The following IFT140 variants were observed in gnomAD, a reference collection of about 807,000 sequenced individuals.
The protein encoded by IFT140 is intraflagellar transport protein 140 homolog.
A neutral mutation model predicts 164.6 loss-of-function variants in IFT140; 133 were observed. The ratio of observed to expected loss-of-function variants is 0.81; its 90% CI spans 0.70 to 0.93. The LOEUF (loss-of-function observed/expected upper bound fraction) is 0.93, where lower values mean the gene tolerates loss of function less well. Among genes scored for constraint, IFT140 ranks in the 40% least tolerant of loss-of-function variants. The pLI is 0.00. For missense variants in IFT140, 2,045 were observed against 1,972.3 expected (o/e 1.04, Z -0.70); for synonymous variants, 860 against 817.3 (o/e 1.05, Z -0.89).
At chr16:1,587,539 A>G (rs2034952242) in intron 8 of IFT140, among the ~76,000 whole-genome samples, 1 of 152,246 alleles carries the variant, frequency 6.6e-6, no homozygotes, top group African/African-American at 2.4e-5. Context: ...GGTCGCCAAG[A>G]GAACACAGGA....
intron 19 of IFT140, among the ~76,000 whole-genome samples, chr16:1,527,751 T>C (rs1465361563): frequency 6.6e-6 from 1 of 152,154 alleles, no homozygotes; most frequent in Non-Finnish European, 1.5e-5. Flanking sequence ...TTTTGTATTT[T>C]TTGTAGAGAC....
rs200831862 is a variant in IFT140, at chr16:1,529,972, G to GATGCC, written c.2400-3181_2400-3177dup. Among the ~76,000 whole-genome samples, 410 of 152,072 alleles carry GATGCC rather than the reference G, an allele frequency of 2.7e-3. 1 individual carries two copies. The highest frequency in any genetic ancestry group is 0.014 in the Middle Eastern group (4 of 294). On this transcript the variant is annotated intron_variant, in intron 19 of 30. Coordinates refer to ENST00000426508, the MANE Select transcript of IFT140 (RefSeq NM_014714.4). ...TCAGTTCTACAGATCGGATGGAAGG[G>GATGCC]ATGCCACGGCTCCTCACAGACGTCT...
In IFT140 at chr16:1,592,505, G is replaced by A; in HGVS notation, c.453C>T (p.His151=). ...TPLLKHEYGK[H]LTHCIFRLPP... is the part of the protein sequence containing the mutation. ...GGAGCCGGAAGATGCAGTGCGTGAGGTGTTTCCCATACTCGTGTTTCAGCA... is the reference window on the plus strand; with the variant it reads ...GGAGCCGGAAGATGCAGTGCGTGAGATGTTTCCCATACTCGTGTTTCAGCA... The change falls in exon 5 of 31, where the codon CAC becomes CAT. Residue 151 remains histidine, a synonymous_variant. Coordinates refer to ENST00000426508, the MANE Select transcript of IFT140 (RefSeq NM_014714.4). 1.2e-6 allele frequency: 2 copies of A among 1,614,228 alleles called. No homozygotes were observed. Among genetic ancestry groups the A allele is most frequent in the East Asian group, 4.5e-5 (2 of 44,888 alleles).
intron 19 of IFT140, among the ~76,000 whole-genome samples, chr16:1,530,133 CTTTT>C (rs922819138): frequency 3.2e-4 from 28 of 88,582 alleles, no homozygotes; most frequent in African/African-American, 9.8e-4. Flanking sequence ...CGACGGGAAT[CTTTT>C]TTTTTTTTTT....
In IFT140 at chr16:1,592,422, C is replaced by T. The variant is rs2273679; in HGVS notation, c.491+45G>A. ...GGAGCAGCCCGCTTCCCACCTCCCC[C>T]GATGTAAACACACACACAGGTCACA... On this transcript the variant is annotated intron_variant, in intron 5 of 30. Coordinates refer to ENST00000426508, the MANE Select transcript of IFT140 (RefSeq NM_014714.4). The T allele has an allele frequency of 0.13, 214,951 of 1,611,020 alleles. 17,983 individuals carry two copies. The highest frequency in any genetic ancestry group is 0.34 in the African/African-American group (25,303 of 74,958).
intron 30 of IFT140, among the ~76,000 whole-genome samples, chr16:1,515,864 T>C (rs968213151): frequency 1.3e-5 from 2 of 151,996 alleles, no homozygotes; most frequent in Non-Finnish European, 2.9e-5. Flanking sequence ...ATCGGAATCA[T>C]AGGGAAGAAG....
At chr16:1,609,344 T>C (rs1026729214) in intron 2 of IFT140, among the ~76,000 whole-genome samples, 3 of 152,200 alleles carry the variant, frequency 2.0e-5, no homozygotes, top group African/African-American at 7.2e-5. Flanking sequence ...CCTGGGGTTT[T>C]TCAAGGTTCC....
chr16:1,557,002 G>T (rs570768453), intron 19 of IFT140, among the ~76,000 whole-genome samples: 1 of 152,040 alleles, frequency 6.6e-6, no homozygotes, highest in Non-Finnish European at 1.5e-5. Flanking sequence ...GTAGAGATGG[G>T]GGGGCGGTTC....
intron 30 of IFT140, chr16:1,514,655 A>G (rs2040291015): frequency 6.6e-6 from 1 of 152,222 alleles, no homozygotes. Flanking sequence ...ACCAAAAAAA[A>G]GCAATACTCT....
intron 19 of IFT140, chr16:1,530,794 G>A (rs2030394511): frequency 6.6e-6 from 1 of 152,350 alleles, no homozygotes; most frequent in African/African-American, 2.4e-5. Context: ...GTGTGACCGA[G>A]GACCCAGCCA....
intron 18 of IFT140, among the ~76,000 whole-genome samples, chr16:1,560,236 T>C (rs2033331204): frequency 6.6e-6 from 1 of 152,206 alleles, no homozygotes; most frequent in East Asian, 1.9e-4. Flanking sequence ...CACACGATGC[T>C]TTCCCAGTCT....
intron 14 of IFT140, among the ~76,000 whole-genome samples, chr16:1,569,129 C>T (rs905712580): frequency 1.1e-4 from 16 of 151,864 alleles, no homozygotes; most frequent in Non-Finnish European, 2.2e-4. Flanking sequence ...CTCAGCCTCC[C>T]GAGTAGCTGG....
At chr16:1,593,000 C>CCGGCAGAG (rs2035270838) in intron 4 of IFT140, among the ~76,000 whole-genome samples, 1 of 150,690 alleles carries the variant, frequency 6.6e-6, no homozygotes, top group Non-Finnish European at 1.5e-5. Context: ...GACAGGTGTC[C>CCGGCAGAG]TGGCAGAGTG....
intron 9 of IFT140, among the ~76,000 whole-genome samples, chr16:1,586,933 C>T (rs2034917736): frequency 6.6e-6 from 1 of 152,202 alleles, no homozygotes; most frequent in Admixed American, 6.5e-5. Flanking sequence ...TCTTGAACTC[C>T]TGGGCTCAAG....
chr16:1,538,229 G>A (rs1311966568), intron 19 of IFT140, among the ~76,000 whole-genome samples: 1 of 152,238 alleles, frequency 6.6e-6, no homozygotes, highest in East Asian at 1.9e-4. Flanking sequence ...TGGGGACTTG[G>A]AGGCTGCAGA....
chr16:1,561,407 C>T (rs1186244866), intron 18 of IFT140, among the ~76,000 whole-genome samples: 1 of 152,222 alleles, frequency 6.6e-6, no homozygotes, highest in African/African-American at 2.4e-5. Context: ...CGATCCCATT[C>T]TCTCAGTAAT....
chr16:1,528,444 TTCACATGCATGCACAC>T (rs2030035508), intron 19 of IFT140, among the ~76,000 whole-genome samples: 1 of 125,968 alleles, frequency 7.9e-6, no homozygotes, highest in South Asian at 2.5e-4. Context: ...CACACACACA[TTCACATGCATGCACAC>T]ACACATGGAT....
At chr16:1,556,769 G>A (rs2033111560) in intron 19 of IFT140, among the ~76,000 whole-genome samples, 1 of 152,120 alleles carries the variant, frequency 6.6e-6, no homozygotes, top group Non-Finnish European at 1.5e-5. Flanking sequence ...TTATGACAAG[G>A]AATTTTTAAA....
chr16:1,586,217 G>T lies in IFT140; in HGVS notation c.1068C>A (p.Asp356Glu). ...CCTCTGCCCCGGGGCTGCCCAGGAA[G>T]TCTGGTACTTTCCTCCACATGGCTA... is the stretch of plus-strand genomic sequence containing the variant. ...GRVAMWRKVP[D>E]FLGSPGAEGK... is the part of the protein sequence containing the mutation. Residue 356 changes from aspartate (D) to glutamate (E), a missense_variant, in exon 10 of 31, where the codon GAC becomes GAA. Transcript: ENST00000426508. The T allele has an allele frequency of 6.2e-7, 1 of 1,613,980 alleles. No individual in the cohort carries two copies. The highest frequency in any genetic ancestry group is 8.5e-7 in the Non-Finnish European group (1 of 1,180,004).
Sources: allele counts gnomAD v4.1 joint callset (sites outside exome capture counted in the v4.1 genomes callset), GRCh38; gene constraint gnomAD v4.1.1; transcripts MANE v1.5; gene names NCBI Gene and HGNC (gene_info 2026-07-23, HGNC 2026-07-21).